ZYG11B: variants seen among roughly 807,000 people sequenced by gnomAD.
ZYG11B encodes the protein zyg-11 family member B, cell cycle regulator, also known as protein zyg-11 homolog B.
ZYG11B carries 36 observed loss-of-function variants against 82.4 expected under a neutral mutation model. The observed-to-expected ratio is 0.44, with a 90% CI of 0.33 to 0.58. ZYG11B has a LOEUF of 0.58. Among genes scored for constraint, ZYG11B ranks in the 20% least tolerant of loss-of-function variants. ZYG11B has a pLI of 0.02. For synonymous variants in ZYG11B, 303 were observed against 312.8 expected (o/e 0.97, Z 0.33); for missense variants, 552 against 895.6 (o/e 0.62, Z 4.90).
At chr1:52,763,952 A>G (rs1644658491) in intron 2 of ZYG11B, among the ~76,000 whole-genome samples, 1 of 152,194 alleles carries the variant, frequency 6.6e-6, no homozygotes, top group Non-Finnish European at 1.5e-5. Context: ...CTCCCAGACT[A>G]GCACCCCACT....
chr1:52,764,846 AAGTC>A (rs1644667620), intron 2 of ZYG11B, among the ~76,000 whole-genome samples: 1 of 152,146 alleles, frequency 6.6e-6, no homozygotes, highest in Non-Finnish European at 1.5e-5. Flanking sequence ...ACAAGGAGGG[AAGTC>A]AGTAACATAA....
At chr1:52,728,277 G>A (rs1369363994) in intron 1 of ZYG11B, among the ~76,000 whole-genome samples, 1 of 152,172 alleles carries the variant, frequency 6.6e-6, no homozygotes, top group Middle Eastern at 3.2e-3. Context: ...TTGTTGTTTG[G>A]AGACGATCTT....
chr1:52,780,030 G>T, intron 4 of ZYG11B, 37 bp downstream of exon 4: 2 of 1,598,376 alleles, frequency 1.3e-6, no homozygotes, highest in Non-Finnish European at 8.5e-7. Context: ...TTTTTGAAAT[G>T]ATCTCCCTGG....
chr1:52,818,194 C>T (rs957405085), intron 13 of ZYG11B, among the ~76,000 whole-genome samples: 5 of 151,812 alleles, frequency 3.3e-5, no homozygotes, highest in African/African-American at 1.2e-4. Context: ...TTATAGGGGC[C>T]GGGCATAATG....
chr1:52,727,379 G>A (rs568079794), intron 1 of ZYG11B, among the ~76,000 whole-genome samples: 1 of 152,236 alleles, frequency 6.6e-6, no homozygotes, highest in East Asian at 1.9e-4. Flanking sequence ...TATTCACCTA[G>A]TGTCATTGCA....
At chr1:52,813,461 G>C in intron 10 of ZYG11B, 75 bp from the exon 11 acceptor site, 3 of 1,157,638 alleles carry the variant, frequency 2.6e-6, no homozygotes, top group Non-Finnish European at 3.6e-6. Flanking sequence ...CTGTTATCCA[G>C]GGCCTAAAAA....
intron 13 of ZYG11B, 137 bp downstream of exon 13, chr1:52,816,766 A>AT: frequency 1.6e-6 from 1 of 636,364 alleles, no homozygotes; most frequent in Non-Finnish European, 2.7e-6. Flanking sequence ...CTTAGGTTAT[A>AT]AACTTAAGGT....
chr1:52,765,137 T>G (rs1279899641), intron 2 of ZYG11B, among the ~76,000 whole-genome samples: 2 of 151,926 alleles, frequency 1.3e-5, no homozygotes, highest in Non-Finnish European at 2.9e-5. Flanking sequence ...TCCTCCTGCC[T>G]TGGCCTCCCA....
At chr1:52,783,895 C>CGTGTGTGTGTATGTACATACAA (rs764675732) in intron 4 of ZYG11B, among the ~76,000 whole-genome samples, 2 of 115,232 alleles carry the variant, frequency 1.7e-5, no homozygotes, top group Non-Finnish European at 3.1e-5. Flanking sequence ...TGTACATACA[C>CGTGTGTGTGTATGTACATACAA]GTGTGTGTAT....
rs527639960 is a variant in ZYG11B at position 52,790,697 on chromosome 1, G to T, written c.1334+630G>T. 2.4e-5 allele frequency among the ~76,000 whole-genome samples: 3 copies of T among 123,166 alleles called. No homozygotes were observed. In the East Asian group the frequency reaches 8.2e-4, roughly 34 times the overall value. The allele number at this position is 123,166 out of a possible 152,430, so 80.8% of individuals were successfully genotyped here. On this transcript the variant is annotated intron_variant, in intron 6 of 13. Coordinates refer to ENST00000294353, the MANE Select transcript of ZYG11B (RefSeq NM_024646.3). ...CGCGCCATTGCACTCCAGCCTGGGT[G>T]ACAGGGCAAGACTGTCTCAAAAAAA...
chr1:52,788,669 G>T (rs1472264123), intron 5 of ZYG11B, among the ~76,000 whole-genome samples: 1 of 152,178 alleles, frequency 6.6e-6, no homozygotes, highest in African/African-American at 2.4e-5. Context: ...GTTTGAGGCT[G>T]CAGTGAGCTA....
intron 10 of ZYG11B, among the ~76,000 whole-genome samples, chr1:52,810,457 CTG>C (rs1274770929): frequency 2.0e-5 from 3 of 152,184 alleles, no homozygotes; most frequent in Admixed American, 6.5e-5. Context: ...ACCTTCATCT[CTG>C]TGGACTGTTC....
chr1:52,743,380 C>T (rs1316665231), intron 1 of ZYG11B, among the ~76,000 whole-genome samples: 2 of 127,604 alleles, frequency 1.6e-5, no homozygotes, highest in African/African-American at 6.6e-5. Flanking sequence ...CCGAGAAACA[C>T]CCAAGAATGA....
In ZYG11B at chr1:52,821,642, T is replaced by C. The variant is rs761137031; in HGVS notation, c.*13T>C. 8 of 1,591,510 alleles carry C rather than the reference T, an allele frequency of 5.0e-6. No homozygotes were observed. Among genetic ancestry groups the C allele is most frequent in the Non-Finnish European group, 6.9e-6 (8 of 1,167,462 alleles). ...CAGACTAAATTGATAGCCATAAGTA[T>C]TGGATAGTTGAATCACAGGAATCCT... On this transcript the variant is annotated 3_prime_UTR_variant, in exon 14 of 14. Transcript: ENST00000294353.
chr1:52,741,545 A>G (rs1450906139), intron 1 of ZYG11B, among the ~76,000 whole-genome samples: 6 of 152,148 alleles, frequency 3.9e-5, no homozygotes, highest in Non-Finnish European at 7.3e-5. Flanking sequence ...GCAAATGTGT[A>G]TTTTAGTTAT....
rs888352979 is a variant in ZYG11B at position 52,785,160 on chromosome 1, G to C, written c.1269+107G>C. ...GCTGGAAATTCAAATGCCTTTGGAG[G>C]CTGTGGTATGACTGAGTGTAAGAAA... On this transcript the variant is annotated intron_variant, in intron 5 of 13. Transcript: ENST00000294353. The C allele has an allele frequency of 4.1e-6, 5 of 1,213,490 alleles. No individual in the cohort carries two copies. In the African/African-American group the frequency reaches 7.7e-5, roughly 19 times the overall value. The allele number at this position is 1,213,490 out of a possible 1,614,324, so 75.2% of individuals were successfully genotyped here. A position where few individuals can be genotyped will look rare whatever the true frequency, so the allele number is the denominator to read the frequency against.
intron 1 of ZYG11B, 34 bp downstream of exon 1, chr1:52,726,717 C>T: frequency 6.9e-7 from 1 of 1,459,818 alleles, no homozygotes; most frequent in Non-Finnish European, 9.0e-7. Context: ...GCCGCAGCCG[C>T]CCGCCACCCT....
rs1645325149 is a variant in ZYG11B, at chr1:52,826,427, T to A, written c.*4798T>A. 6.6e-6 allele frequency: 1 copy of A among 152,242 alleles called. No homozygotes were observed. Among genetic ancestry groups the A allele is most frequent in the African/African-American group, 2.4e-5 (1 of 41,454 alleles). The allele number at this position is 152,242 out of a possible 1,614,324, so 9.4% of individuals were successfully genotyped here. A position where few individuals can be genotyped will look rare whatever the true frequency, so the allele number is the denominator to read the frequency against. On this transcript the variant is annotated 3_prime_UTR_variant, in exon 14 of 14. Coordinates refer to ENST00000294353, the MANE Select transcript of ZYG11B (RefSeq NM_024646.3). ...AGGAATAATGCAAAACCAACCTTCG[T>A]CCGGTGATGAGAATAGCCGTATGAT... is the stretch of plus-strand genomic sequence containing the variant.
At chr1:52,805,476 A>G (rs769414815) in intron 10 of ZYG11B, 6 of 455,972 alleles carry the variant, frequency 1.3e-5, no homozygotes, top group South Asian at 7.7e-5. Flanking sequence ...TTCAGGGTTA[A>G]TATGATTATT....
Sources: allele counts gnomAD v4.1 joint callset (sites outside exome capture counted in the v4.1 genomes callset), GRCh38; gene constraint gnomAD v4.1.1; transcripts MANE v1.5; gene names NCBI Gene and HGNC (gene_info 2026-07-23, HGNC 2026-07-21).